The following ULK4 variants were observed in gnomAD, a reference collection of about 807,000 sequenced individuals.
ULK4 encodes the protein unc-51 like kinase 4.
A neutral mutation model predicts 160.6 loss-of-function variants in ULK4; 133 were observed. The observed-to-expected ratio is 0.83, with a 90% CI of 0.72 to 0.96. The LOEUF (loss-of-function observed/expected upper bound fraction) is 0.96. Among genes scored for constraint, ULK4 ranks in the 40% least tolerant of loss-of-function variants. ULK4 has a pLI of 0.00. For synonymous variants in ULK4, 534 were observed against 539.8 expected, an observed-to-expected ratio of 0.99 and a Z score of 0.15; for missense variants, 1,580 against 1,499.5, an observed-to-expected ratio of 1.05 and a Z score of -0.89.
At chr3:41,717,654 G>C (rs1434275690) in intron 23 of ULK4, 74 bp downstream of exon 23, 3 of 1,542,268 alleles carry the variant, frequency 1.9e-6, no homozygotes, top group Non-Finnish European at 2.7e-6. Context: ...GAATAAAAAA[G>C]AACTGATGCC....
chr3:41,784,237 C>T (rs1173924966), intron 21 of ULK4, among the ~76,000 whole-genome samples: 1 of 151,830 alleles, frequency 6.6e-6, no homozygotes, highest in Non-Finnish European at 1.5e-5. Context: ...GAGTTTGAGG[C>T]CAGGCTGACC....
chr3:41,862,383 A>G (rs1034885763), intron 17 of ULK4, among the ~76,000 whole-genome samples: 1 of 152,078 alleles, frequency 6.6e-6, no homozygotes, highest in African/African-American at 2.4e-5. Context: ...CTGTTTCTCC[A>G]GGATTGGTCC....
intron 2 of ULK4, among the ~76,000 whole-genome samples, chr3:41,941,553 CA>C (rs1308213488): frequency 6.7e-6 from 1 of 150,300 alleles, no homozygotes; most frequent in African/African-American, 2.4e-5. Context: ...GCAGAGCGAC[CA>C]AGAGAAAATT....
chr3:41,295,111 C>G (rs185750964), intron 35 of ULK4, among the ~76,000 whole-genome samples: 1 of 152,142 alleles, frequency 6.6e-6, no homozygotes, highest in Non-Finnish European at 1.5e-5. Context: ...AACAGATCAA[C>G]GGAATAGAAT....
At chr3:41,506,909 G>A (rs1230798499) in intron 32 of ULK4, among the ~76,000 whole-genome samples, 1 of 147,758 alleles carries the variant, frequency 6.8e-6, no homozygotes, top group Non-Finnish European at 1.5e-5. Flanking sequence ...GCATTGGCGG[G>A]TATCCTGGAG....
intron 31 of ULK4, among the ~76,000 whole-genome samples, chr3:41,608,704 CAGTT>C (rs770550754): frequency 3.9e-4 from 60 of 152,170 alleles, no homozygotes; most frequent in African/African-American, 1.4e-3. Context: ...ATGTAACTGA[CAGTT>C]AGGTTATCCA....
chr3:41,724,280 A>C (rs188953936), intron 22 of ULK4, among the ~76,000 whole-genome samples: 1 of 152,224 alleles, frequency 6.6e-6, no homozygotes, highest in Non-Finnish European at 1.5e-5. Flanking sequence ...TGCTGGATGC[A>C]CATAAACATT....
chr3:41,568,495 G>A (rs10510722), intron 31 of ULK4, among the ~76,000 whole-genome samples: 9,336 of 152,074 alleles, frequency 0.061, 854 homozygotes, highest in African/African-American at 0.2. Flanking sequence ...TTTTACTATC[G>A]ATCTCATGCT....
intron 32 of ULK4, among the ~76,000 whole-genome samples, chr3:41,489,067 C>T (rs2084651968): frequency 6.6e-6 from 1 of 152,106 alleles, no homozygotes; most frequent in Non-Finnish European, 1.5e-5. Context: ...AGTTTATCCA[C>T]TTTCATGTAA....
intron 31 of ULK4, among the ~76,000 whole-genome samples, chr3:41,590,594 C>T (rs1386118069): frequency 6.6e-6 from 1 of 151,502 alleles, no homozygotes; most frequent in Non-Finnish European, 1.5e-5. Flanking sequence ...CAAGATCACG[C>T]CACTGCACTC....
chr3:41,647,933 T>C (rs1262894998), intron 30 of ULK4, among the ~76,000 whole-genome samples: 2 of 152,190 alleles, frequency 1.3e-5, no homozygotes, highest in Non-Finnish European at 2.9e-5. Context: ...GCTGCCGCCT[T>C]GCAGTTTGAT....
rs527265822 is a variant in ULK4 at position 41,671,558 on chromosome 3, G to T, written c.2979-7859C>A. Among the ~76,000 whole-genome samples the T allele has an allele frequency of 2.0e-5, 3 of 152,048 alleles. No individual in the cohort carries two copies. In the South Asian group the frequency reaches 6.2e-4, roughly 32 times the overall value. ...AATCATATCCAGAAGAATGAAACTG[G>T]ACCTGTCTCTCATCATATATAATCA... On this transcript the variant is annotated intron_variant, in intron 29 of 36. Transcript: ENST00000301831.
intron 30 of ULK4, among the ~76,000 whole-genome samples, chr3:41,643,810 C>T (rs978238587): frequency 1.3e-5 from 2 of 152,198 alleles, no homozygotes; most frequent in Admixed American, 1.3e-4. Flanking sequence ...AATATTGATA[C>T]TTCCTACCCA....
intron 27 of ULK4, among the ~76,000 whole-genome samples, chr3:41,687,310 T>C (rs2036135233): frequency 1.3e-5 from 2 of 151,826 alleles, no homozygotes; most frequent in Admixed American, 1.3e-4. Flanking sequence ...GAAGCAGAGG[T>C]TGCCGTGTGC....
intron 35 of ULK4, among the ~76,000 whole-genome samples, chr3:41,262,893 C>A (rs896349754): frequency 6.8e-6 from 1 of 147,190 alleles, no homozygotes; most frequent in Non-Finnish European, 1.5e-5. Context: ...CTAACTACAA[C>A]AGCCAGTTCC....
At chr3:41,259,037 C>G (rs974196159) in intron 35 of ULK4, among the ~76,000 whole-genome samples, 1 of 146,534 alleles carries the variant, frequency 6.8e-6, no homozygotes, top group Admixed American at 6.9e-5. Flanking sequence ...TGTATATATA[C>G]GTATACACAC....
intron 32 of ULK4, among the ~76,000 whole-genome samples, chr3:41,487,079 G>T (rs1024672655): frequency 6.6e-6 from 1 of 151,946 alleles, no homozygotes; most frequent in African/African-American, 2.4e-5. Flanking sequence ...ACAATATCCA[G>T]AAAAAACATA....
At chr3:41,900,678 G>C in intron 13 of ULK4, 47 bp downstream of exon 13, 1 of 1,397,324 alleles carries the variant, frequency 7.2e-7, no homozygotes, top group Non-Finnish European at 1.0e-6. Context: ...GCAGATTTCA[G>C]ATCTCAGTAA....
intron 31 of ULK4, among the ~76,000 whole-genome samples, chr3:41,582,177 T>C (rs1304673856): frequency 6.6e-6 from 1 of 152,156 alleles, no homozygotes; most frequent in Non-Finnish European, 1.5e-5. Flanking sequence ...CTGAAGGTTT[T>C]GTAAGGAGAA....
Sources: allele counts gnomAD v4.1 joint callset (sites outside exome capture counted in the v4.1 genomes callset), GRCh38; gene constraint gnomAD v4.1.1; transcripts MANE v1.5; gene names NCBI Gene and HGNC (gene_info 2026-07-23, HGNC 2026-07-21).